DSCAML1: variants seen among roughly 807,000 people sequenced by gnomAD.
The protein encoded by DSCAML1 is DS cell adhesion molecule like 1, also known as cell adhesion molecule DSCAML1.
A neutral mutation model predicts 200.5 loss-of-function variants in DSCAML1; 38 were observed. The ratio of observed to expected loss-of-function variants is 0.19; its 90% CI spans 0.15 to 0.25. The LOEUF is 0.25. Among genes scored for constraint, DSCAML1 ranks in the 10% least tolerant of loss-of-function variants. The pLI is 1.00. For synonymous variants in DSCAML1, 1,215 were observed against 1,165.0 expected, an observed-to-expected ratio of 1.04 and a Z score of -0.87; for missense variants, 2,223 against 2,858.8, an observed-to-expected ratio of 0.78 and a Z score of 5.07.
Position 117,463,115 on chromosome 11 carries a change from G to A in DSCAML1, c.3266-1519C>T, listed in dbSNP as rs139688156. The stretch of plus-strand genomic sequence containing the variant: ...CCTTCCTAAAGCCTCCTGCATCTGC[G>A]TCACTTGTTCGTGCATCCAGCCTTG... On this transcript the variant is annotated intron_variant, in intron 17 of 32. Coordinates refer to ENST00000651296, the MANE Select transcript of DSCAML1 (RefSeq NM_020693.4). The surrounding 1 kb of genome is among the most constrained non-coding windows in gnomAD (Gnocchi z 4.0). Among the ~76,000 whole-genome samples the A allele has an allele frequency of 4.3e-4, 66 of 152,304 alleles. No homozygotes were observed. The highest frequency in any genetic ancestry group is 1.3e-3 in the African/African-American group (56 of 41,550).
chr11:117,697,679 G>C (rs955771466), intron 3 of DSCAML1, among the ~76,000 whole-genome samples: 2 of 151,862 alleles, frequency 1.3e-5, no homozygotes, highest in Non-Finnish European at 2.9e-5. Flanking sequence ...CGTATAAGTG[G>C]AATCATACAG....
Position 117,642,890 on chromosome 11 carries a change from A to G in DSCAML1, c.512-110368T>C, listed in dbSNP as rs1171524687. 6.6e-6 allele frequency among the ~76,000 whole-genome samples: 1 copy of G among 152,184 alleles called. No homozygotes were observed. Among genetic ancestry groups the G allele is most frequent in the African/African-American group, 2.4e-5 (1 of 41,444 alleles). ...CAGCTTGGGAGATATTGCTTACCCC[A>G]GGAAGCCCTCAGGGAGTAAAAGGAA... On this transcript the variant is annotated intron_variant, in intron 3 of 32. Coordinates refer to ENST00000651296, the MANE Select transcript of DSCAML1 (RefSeq NM_020693.4). The surrounding 1 kb of genome is among the most constrained non-coding windows in gnomAD (Gnocchi z 4.1).
At chr11:117,811,006 C>G (rs143523823) in intron 1 of DSCAML1, among the ~76,000 whole-genome samples, 2 of 152,164 alleles carry the variant, frequency 1.3e-5, no homozygotes, top group Non-Finnish European at 2.9e-5. Context: ...CCTCAGCCTC[C>G]GCTCCTCCAC....
chr11:117,807,288 C>A (rs567081469), intron 1 of DSCAML1, among the ~76,000 whole-genome samples: 1 of 152,346 alleles, frequency 6.6e-6, no homozygotes, highest in East Asian at 1.9e-4. Context: ...TGGTGGTCTG[C>A]CTGGTGGGGT....
At chr11:117,799,367 G>A (rs2055635904), upstream of DSCAML1, among the ~76,000 whole-genome samples, 1 of 152,142 alleles carries the variant, frequency 6.6e-6, no homozygotes, top group Admixed American at 6.5e-5. Context: ...CAGCTGCTCC[G>A]TGCCTCACAC....
chr11:117,667,084 T>G (rs1145219), intron 3 of DSCAML1, among the ~76,000 whole-genome samples: 94,161 of 151,948 alleles, frequency 0.62, 29,572 homozygotes, highest in East Asian at 0.9. Context: ...GCTGGCAGGC[T>G]CAGGTGGGAC....
intron 1 of DSCAML1, among the ~76,000 whole-genome samples, chr11:117,789,673 G>T (rs1591513396): frequency 6.6e-6 from 1 of 152,308 alleles, no homozygotes; most frequent in Non-Finnish European, 1.5e-5. Flanking sequence ...CAGAGCAGGG[G>T]CCTCAGATGG....
chr11:117,607,718 C>T (rs563167608), intron 3 of DSCAML1, among the ~76,000 whole-genome samples: 21 of 152,180 alleles, frequency 1.4e-4, no homozygotes, highest in Admixed American at 6.5e-4. Context: ...TCACACCAGA[C>T]CTTAGCAGTA....
intron 3 of DSCAML1, among the ~76,000 whole-genome samples, chr11:117,614,282 G>A (rs1047310993): frequency 2.6e-5 from 4 of 152,078 alleles, no homozygotes; most frequent in Non-Finnish European, 5.9e-5. Flanking sequence ...CAGTGTCCTC[G>A]GGAGTGAATG....
intron 3 of DSCAML1, among the ~76,000 whole-genome samples, chr11:117,588,218 AT>A (rs1230310132): frequency 2.0e-5 from 3 of 150,852 alleles, no homozygotes; most frequent in Non-Finnish European, 3.0e-5. Flanking sequence ...ACCAGGGTCC[AT>A]TTTTTTTTAA....
intron 3 of DSCAML1, among the ~76,000 whole-genome samples, chr11:117,639,951 C>A (rs900139245): frequency 6.6e-6 from 1 of 152,162 alleles, no homozygotes; most frequent in East Asian, 1.9e-4. Flanking sequence ...CTTTTCAACT[C>A]CCCAGGAATG....
intron 3 of DSCAML1, among the ~76,000 whole-genome samples, chr11:117,634,254 A>C (rs1850890902): frequency 6.6e-6 from 1 of 152,168 alleles, no homozygotes; most frequent in Non-Finnish European, 1.5e-5. Context: ...GGAATCTTGG[A>C]TACCTTAAAG....
At chr11:117,458,975 G>C in intron 18 of DSCAML1, 66 bp from the exon 19 acceptor site, 2 of 1,569,394 alleles carry the variant, frequency 1.3e-6, no homozygotes, top group Non-Finnish European at 8.6e-7. Flanking sequence ...TGCTACCCCT[G>C]CTGCCTGGGC....
intron 3 of DSCAML1, among the ~76,000 whole-genome samples, chr11:117,568,915 A>C (rs2050800747): frequency 6.6e-6 from 1 of 152,222 alleles, no homozygotes; most frequent in Admixed American, 6.5e-5. Context: ...TCACCAAGTC[A>C]ATCCTAAGCC....
rs552826653 is a variant in DSCAML1 at position 117,784,533 on chromosome 11, G to C, written c.47-3723C>G. Among the ~76,000 whole-genome samples, 12 of 152,314 alleles carry C rather than the reference G, an allele frequency of 7.9e-5. No homozygotes were observed. In the East Asian group the frequency reaches 2.3e-3, roughly 29 times the overall value. ...TGTTCAGAACTCCAGGGACAGAAGG[G>C]GGAGTAGTAGGAGCCTGGTGTCCTA... On this transcript the variant is annotated intron_variant, in intron 1 of 32. Coordinates refer to ENST00000651296, the MANE Select transcript of DSCAML1 (RefSeq NM_020693.4).
chr11:117,438,268 G>A (rs58290590), intron 24 of DSCAML1, among the ~76,000 whole-genome samples, 185 bp from the exon 25 acceptor site: 57,490 of 151,802 alleles, frequency 0.38, 12,583 homozygotes, highest in East Asian at 0.82. Context: ...AACTCTCTAT[G>A]TTAAACCAAC....
chr11:117,792,270 G>A (rs887775001), intron 1 of DSCAML1, among the ~76,000 whole-genome samples: 1 of 152,058 alleles, frequency 6.6e-6, no homozygotes, highest in Non-Finnish European at 1.5e-5. Context: ...AAATAATCTG[G>A]GAAGGCTTTG....
chr11:117,503,831 G>T lies in DSCAML1; in HGVS notation c.2359+14C>A. 6.2e-7 allele frequency: 1 copy of T among 1,611,554 alleles called. No individual in the cohort carries two copies. Among genetic ancestry groups the T allele is most frequent in the Non-Finnish European group, 8.5e-7 (1 of 1,178,568 alleles). On this transcript the variant is annotated intron_variant, in intron 11 of 32. Coordinates refer to ENST00000651296, the MANE Select transcript of DSCAML1 (RefSeq NM_020693.4). This position sits in a 1 kb window ranked among gnomAD's most constrained non-coding sequence, Gnocchi z 5.2. ...ATTTGGGGGTGCTAGGGGGCGTGTG[G>T]GGACAGGACTCACTCTTGACTGTGA...
rs768988153 is a variant in DSCAML1, at chr11:117,780,659, G to A, written c.198C>T (p.Asp66=). The change falls in exon 2 of 33, where the codon GAC becomes GAT. Residue 66 remains aspartate (D), a synonymous_variant. Transcript: ENST00000651296. This position sits in a 1 kb window ranked among gnomAD's most constrained non-coding sequence, Gnocchi z 4.8. ...GCCGGATGTGCGGCACGTCGTAGAT[G>A]TCGTCCCCTGTGGCCAGGTACCATC... ...ALRWYLATGD[D]IYDVPHIRHV... is the part of the protein sequence containing the mutation. 5 of 1,592,462 alleles carry A rather than the reference G, an allele frequency of 3.1e-6. No homozygotes were observed. The highest frequency in any genetic ancestry group is 4.3e-6 in the Non-Finnish European group (5 of 1,168,232).
Sources: allele counts gnomAD v4.1 joint callset (sites outside exome capture counted in the v4.1 genomes callset), GRCh38; gene constraint gnomAD v4.1.1; non-coding constraint Gnocchi (gnomAD v3.1); transcripts MANE v1.5; gene names NCBI Gene and HGNC (gene_info 2026-07-23, HGNC 2026-07-21).